Variants in MATK observed in about 807,000 individuals in gnomAD.
MATK encodes megakaryocyte-associated tyrosine-protein kinase.
Under a neutral mutation model 59.8 loss-of-function variants are expected in MATK, and 41 were observed. The ratio of observed to expected loss-of-function variants is 0.69; its 90% CI spans 0.53 to 0.89. The LOEUF is 0.89. Among genes scored for constraint, MATK ranks in the 40% least tolerant of loss-of-function variants. The probability of loss-of-function intolerance (pLI) is 0.00; values close to 1 mark genes in which losing one functional copy is unlikely to be tolerated. For synonymous variants in MATK, 308 were observed against 306.1 expected (o/e 1.01, Z -0.06); for missense variants, 593 against 719.6 (o/e 0.82, Z 2.01).
At chr19:3,796,867 T>C (rs968053428) in intron 1 of MATK, among the ~76,000 whole-genome samples, 1 of 152,188 alleles carries the variant, frequency 6.6e-6, no homozygotes, top group Non-Finnish European at 1.5e-5. Flanking sequence ...ATACTTTTCT[T>C]TTGCCCAATG....
chr19:3,779,319 A>G lies in MATK; in HGVS notation c.1001+59T>C, dbSNP rs2037363751. On this transcript the variant is annotated intron_variant, in intron 11 of 13. Transcript: ENST00000310132. The stretch of plus-strand genomic sequence containing the variant: ...CCGTGCCTCAGTTTCCCCTTGATGG[A>G]TCTTGGAATCTGCGCCCCGACGACC... 30 of 1,596,940 alleles carry G rather than the reference A, an allele frequency of 1.9e-5. No homozygotes were observed. In the South Asian group the frequency reaches 2.9e-4, roughly 15 times the overall value.
chr19:3,781,522 G>T, intron 8 of MATK, 85 bp downstream of exon 8: 1 of 1,411,946 alleles, frequency 7.1e-7, no homozygotes, highest in Admixed American at 1.7e-5. Context: ...GTTAAGTATG[G>T]GTTTGAATTC....
Position 3,786,374 on chromosome 19 carries a change from G to A in MATK, c.-357C>T. 5 of 982,534 alleles carry A rather than the reference G, an allele frequency of 5.1e-6. No individual in the cohort carries two copies. The highest frequency in any genetic ancestry group is 6.0e-6 in the Non-Finnish European group (5 of 828,756). The allele number at this position is 982,534 out of a possible 1,614,324, so 60.9% of individuals were successfully genotyped here. A position where few individuals can be genotyped will look rare whatever the true frequency, so the allele number is the denominator to read the frequency against. On this transcript the variant is annotated 5_prime_UTR_variant, in exon 1 of 14. Transcript: ENST00000310132. This position sits in a 1 kb window ranked among gnomAD's most constrained non-coding sequence, Gnocchi z 4.1. ...GAGGCCCCCGCGGGTCCTAGCGCCG[G>A]CCGCACTGCGGTCTCCTCCGCGCGC...
chr19:3,789,911 A>AT (rs11370203), upstream of MATK, among the ~76,000 whole-genome samples: 4,721 of 142,148 alleles, frequency 0.033, 186 homozygotes, highest in African/African-American at 0.096. Flanking sequence ...TTGTATTTGT[A>AT]TTTTTTTGAG....
At position 3,779,440 on chromosome 19, in the gene MATK, C is replaced by T; in HGVS notation, c.939G>A (p.Val313=). 1 of 1,613,218 alleles carries T rather than the reference C, an allele frequency of 6.2e-7. No individual in the cohort carries two copies. The highest frequency in any genetic ancestry group is 8.5e-7 in the Non-Finnish European group (1 of 1,179,992). Residue 313 remains valine, a synonymous_variant, in exon 11 of 14, where the codon GTG becomes GTA. Coordinates refer to ENST00000310132, the MANE Select transcript of MATK (RefSeq NM_139355.3). ...VMEHVSKGNL[V]NFLRTRGRAL... Reference sequence around the variant, plus strand: ...CTCGACCCCGGGTCCGCAGAAAGTTCACCAGGTTGCCCTGTTGGGGGTGGG... The same window carrying T: ...CTCGACCCCGGGTCCGCAGAAAGTTTACCAGGTTGCCCTGTTGGGGGTGGG...
intron 1 of MATK, among the ~76,000 whole-genome samples, chr19:3,792,565 G>C (rs2145112679): frequency 7.0e-6 from 1 of 143,530 alleles, no homozygotes; most frequent in East Asian, 2.1e-4. Flanking sequence ...CCAGGCTGGA[G>C]TGCAGTGGTG....
intron 8 of MATK, among the ~76,000 whole-genome samples, chr19:3,780,348 C>T (rs1354293298): frequency 6.6e-6 from 1 of 152,164 alleles, no homozygotes; most frequent in Non-Finnish European, 1.5e-5. Flanking sequence ...GAACCCCCAC[C>T]CCCTCGGGGC....
chr19:3,784,278 G>A lies in MATK; in HGVS notation c.247-39C>T, dbSNP rs139477243. 1.4e-4 allele frequency: 230 copies of A among 1,598,612 alleles called. 1 individual carries two copies. The African/African-American group carries it at 2.8e-3, about 20-fold the overall frequency. ...AGCACGGGGTTAGTGTGGGGGGTGT[G>A]GGGGTGGTCCTGGTGGAGCCCCCAG... On this transcript the variant is annotated intron_variant, in intron 4 of 13. Transcript: ENST00000310132.
At chr19:3,801,213 C>G (rs1011818915) in intron 1 of MATK, among the ~76,000 whole-genome samples, 3 of 152,216 alleles carry the variant, frequency 2.0e-5, no homozygotes, top group African/African-American at 7.2e-5. Flanking sequence ...TCCACCTTAA[C>G]CAGGAAAGCG....
upstream of MATK, among the ~76,000 whole-genome samples, chr19:3,786,987 G>A (rs2037493404): frequency 6.6e-6 from 1 of 151,970 alleles, no homozygotes; most frequent in Admixed American, 6.5e-5. This position sits in a 1 kb window ranked among gnomAD's most constrained non-coding sequence, Gnocchi z 4.1. Flanking sequence ...ATGGAGGGTG[G>A]GGGCCCCACC....
At chr19:3,782,898 T>C (rs2037420613) in intron 7 of MATK, 1 of 523,926 alleles carries the variant, frequency 1.9e-6, no homozygotes, top group Non-Finnish European at 3.4e-6. Context: ...CTGGCTCAGA[T>C]GGTGGATGAT....
At chr19:3,782,589 G>A (rs2037416772) in intron 7 of MATK, among the ~76,000 whole-genome samples, 1 of 152,268 alleles carries the variant, frequency 6.6e-6, no homozygotes, top group Non-Finnish European at 1.5e-5. Context: ...TGTGGAGGAA[G>A]GGCTTTGCAG....
chr19:3,782,150 A>T (rs996729377), intron 7 of MATK, among the ~76,000 whole-genome samples: 37 of 152,170 alleles, frequency 2.4e-4, no homozygotes, highest in African/African-American at 8.9e-4. Context: ...AAACACACAC[A>T]GAGCAAAAAA....
In MATK at chr19:3,796,574, C is replaced by T. The variant is rs192825518; in HGVS notation, c.-58+4958G>A. ...TTTTTATTTCCCTGGAGTTAGTCAT[C>T]GCCTTGGTTTTATGTGTCTGTGACT... is the stretch of plus-strand genomic sequence containing the variant. On this transcript the variant is annotated intron_variant, in intron 1 of 13. Transcript: ENST00000395045. Among the ~76,000 whole-genome samples the T allele has an allele frequency of 3.4e-3, 513 of 152,174 alleles. 5 individuals carry two copies. Among genetic ancestry groups the T allele is most frequent in the African/African-American group, 0.011 (463 of 41,506 alleles).
upstream of MATK, chr19:3,786,479 C>A: frequency 2.4e-6 from 2 of 819,780 alleles, no homozygotes; most frequent in Middle Eastern, 6.3e-4. The surrounding 1 kb of genome is among the most constrained non-coding windows in gnomAD (Gnocchi z 4.1). Flanking sequence ...GGTCCCGGGG[C>A]GCACGCGGGC....
upstream of MATK, among the ~76,000 whole-genome samples, chr19:3,786,589 C>T (rs3746114): frequency 0.91 from 136,168 of 149,138 alleles, 62,294 homozygotes; most frequent in Middle Eastern, 0.99. The surrounding 1 kb of genome is among the most constrained non-coding windows in gnomAD (Gnocchi z 4.1). Context: ...CCAGTGCGCG[C>T]GGCGGGGACC....
chr19:3,799,143 C>T (rs1304715782), intron 1 of MATK, among the ~76,000 whole-genome samples: 1 of 152,128 alleles, frequency 6.6e-6, no homozygotes, highest in Non-Finnish European at 1.5e-5. Flanking sequence ...CCCTGCCCTC[C>T]ATGGCGCCTG....
chr19:3,789,172 G>A (rs762138600), upstream of MATK: 56 of 645,380 alleles, frequency 8.7e-5, no homozygotes, highest in Non-Finnish European at 1.3e-4. Context: ...CAGTCACTGC[G>A]GGCCCACCAT....
intron 8 of MATK, among the ~76,000 whole-genome samples, chr19:3,780,435 ATTAT>A (rs141198566): frequency 0.088 from 13,307 of 151,664 alleles, 783 homozygotes; most frequent in East Asian, 0.24. Flanking sequence ...TAATTAATTA[ATTAT>A]TTATTTGAGA....
Sources: gnomAD v4.1 joint callset for allele counts (sites outside exome capture counted in the v4.1 genomes callset) on GRCh38, gnomAD v4.1.1 for gene constraint, Gnocchi (gnomAD v3.1) non-coding constraint, MANE v1.5 for transcripts, NCBI Gene and HGNC (gene_info 2026-07-23, HGNC 2026-07-21) for gene names.